MBOAT4: variants seen among roughly 807,000 people sequenced by gnomAD.
The protein encoded by MBOAT4 is membrane bound ghrelin O-acyltransferase MBOAT4, also known as membrane-bound ghrelin O-acyltransferase MBOAT4.
MBOAT4 carries 11 observed loss-of-function variants against 13.2 expected under a neutral mutation model. That is an observed-to-expected ratio of 0.84 (90% CI 0.53 to 1.38). The LOEUF (loss-of-function observed/expected upper bound fraction) is 1.38. Among genes scored for constraint, MBOAT4 ranks in the 40% most tolerant of loss-of-function variants. The pLI is 0.00. For missense variants in MBOAT4, 481 were observed against 527.2 expected, an observed-to-expected ratio of 0.91 and a Z score of 0.86; for synonymous variants, 202 against 210.3, an observed-to-expected ratio of 0.96 and a Z score of 0.34.
chr8:30,139,064 CT>C (rs1803214556), intron 1 of MBOAT4, among the ~76,000 whole-genome samples: 1 of 151,558 alleles, frequency 6.6e-6, no homozygotes, highest in Non-Finnish European at 1.5e-5. Flanking sequence ...CCCTGACCTC[CT>C]GGACTCAAGT....
At chr8:30,137,326 G>C in intron 2 of MBOAT4, 7 of 1,551,726 alleles carry the variant, frequency 4.5e-6, no homozygotes, top group Non-Finnish European at 5.2e-6. Flanking sequence ...TGAAGGAAGA[G>C]AAACACTGAC....
chr8:30,132,663 C>T lies in MBOAT4; in HGVS notation c.588G>A (p.Leu196=). 2.6e-6 allele frequency: 4 copies of T among 1,551,740 alleles called. No individual in the cohort carries two copies. Among genetic ancestry groups the T allele is most frequent in the Non-Finnish European group, 2.6e-6 (3 of 1,147,006 alleles). ...FQARVQGSSA[L]HPRHSFWALS... is the part of the protein sequence containing the mutation. ...GAGCCCAGAAAGAGTGTCTGGGATGCAAAGCACTGGACCCTTGAACACGAG... is the reference window on the plus strand; with the variant it reads ...GAGCCCAGAAAGAGTGTCTGGGATGTAAAGCACTGGACCCTTGAACACGAG... The change falls in exon 3 of 3, where the codon TTG becomes TTA. Residue 196 remains leucine (L), a synonymous_variant. Transcript: ENST00000320542.
At chr8:30,137,345 T>TGCCTCTCCCAGCAGCC (rs1490716772) in intron 2 of MBOAT4, 1 of 1,551,608 alleles carries the variant, frequency 6.4e-7, no homozygotes, top group African/African-American at 1.4e-5. Context: ...ACACAGCAGC[T>TGCCTCTCCCAGCAGCC]GCCTCTCCCA....
chr8:30,134,490 G>A (rs968368764), intron 2 of MBOAT4, among the ~76,000 whole-genome samples: 2 of 151,338 alleles, frequency 1.3e-5, no homozygotes, highest in Non-Finnish European at 1.5e-5. Flanking sequence ...AAACACATAC[G>A]ATGGCACACA....
chr8:30,143,347 C>CAAAAAAAAAAAAAAAAAA (rs776274086), intron 1 of MBOAT4, among the ~76,000 whole-genome samples: 5 of 143,590 alleles, frequency 3.5e-5, no homozygotes, highest in African/African-American at 1.4e-4. Context: ...GACTCCGTCT[C>CAAAAAAAAAAAAAAAAAA]AAAAAAAAAA....
At chr8:30,135,053 TG>T (rs1157695445) in intron 2 of MBOAT4, among the ~76,000 whole-genome samples, 4 of 69,234 alleles carry the variant, frequency 5.8e-5, no homozygotes, top group Non-Finnish European at 8.1e-5. Flanking sequence ...TTAATTTTTG[TG>T]GGTTTTTTTT....
chr8:30,143,333 G>C (rs13260062), intron 1 of MBOAT4, among the ~76,000 whole-genome samples: 132,895 of 147,308 alleles, frequency 0.9, 60,016 homozygotes, highest in Non-Finnish European at 0.96. Context: ...GGGCGACAGA[G>C]CGAGACTCCG....
At position 30,144,542 on chromosome 8, in the gene MBOAT4, A is replaced by G; in HGVS notation, c.60T>C (p.Phe20=). 1 of 1,551,670 alleles carries G rather than the reference A, an allele frequency of 6.4e-7. No homozygotes were observed. The highest frequency in any genetic ancestry group is 1.2e-5 in the South Asian group (1 of 84,068). ...GATAATTGAAGAGAAGTGCAAAGGG[A>G]AATGCAGCCCCCTGGTAAAACGATA... is the stretch of plus-strand genomic sequence containing the variant. The part of the protein sequence containing the change: ...HPISFYQGAA[F]PFALLFNYLC... The change falls in exon 1 of 3, where the codon TTT becomes TTC. Residue 20 remains phenylalanine (F), a synonymous_variant. Coordinates refer to ENST00000320542, the MANE Select transcript of MBOAT4 (RefSeq NM_001100916.2).
intron 1 of MBOAT4, among the ~76,000 whole-genome samples, chr8:30,139,201 C>T (rs1259122075): frequency 6.6e-6 from 1 of 151,920 alleles, no homozygotes; most frequent in Non-Finnish European, 1.5e-5. Flanking sequence ...GATCCTCCTC[C>T]CTCGGCCTCC....
chr8:30,136,795 C>T (rs1803156431), intron 2 of MBOAT4, among the ~76,000 whole-genome samples: 1 of 150,318 alleles, frequency 6.7e-6, no homozygotes, highest in Non-Finnish European at 1.5e-5. Context: ...GTGATGCGAT[C>T]TCCTGTCTCA....
intron 1 of MBOAT4, among the ~76,000 whole-genome samples, chr8:30,142,498 G>A (rs973575616): frequency 1.4e-4 from 21 of 152,144 alleles, no homozygotes; most frequent in Admixed American, 5.2e-4. Context: ...CGGGACTACA[G>A]GCATGTACCA....
chr8:30,134,053 C>A (rs190299582), intron 2 of MBOAT4, among the ~76,000 whole-genome samples: 2 of 152,300 alleles, frequency 1.3e-5, no homozygotes, highest in East Asian at 3.9e-4. Flanking sequence ...ACTGACATCA[C>A]CCTTGTCATT....
rs1239332127 is a variant in MBOAT4 at position 30,132,683 on chromosome 8, C to T, written c.568G>A (p.Val190Ile). The change falls in exon 3 of 3, where the codon GTT becomes ATT. Residue 190 changes from valine to isoleucine, a missense_variant. Physicochemically the swap from Val to Ile is conservative, Grantham distance 29. Transcript: ENST00000320542. ...GGATGCAAAGCACTGGACCCTTGAA[C>T]ACGAGCCTGAAATCGCTGGAAGGAG... ...LCSFQRFQARVQGSSALHPRH... is the reference protein window; with the variant it reads ...LCSFQRFQARIQGSSALHPRH... The T allele has an allele frequency of 1.3e-6, 2 of 1,551,776 alleles. No individual in the cohort carries two copies. The highest frequency in any genetic ancestry group is 2.4e-5 in the East Asian group (1 of 40,924).
intron 2 of MBOAT4, 69 bp from the exon 3 acceptor site, chr8:30,132,975 T>A: frequency 1.4e-6 from 2 of 1,426,406 alleles, no homozygotes; most frequent in Non-Finnish European, 1.9e-6. Flanking sequence ...TTCCAGTCTG[T>A]CATACATGAT....
intron 2 of MBOAT4, chr8:30,137,480 G>A (rs371783736): frequency 1.9e-6 from 3 of 1,551,650 alleles, no homozygotes; most frequent in Non-Finnish European, 2.6e-6. Flanking sequence ...TTCCTGCTTT[G>A]CCCTCCCTCT....
chr8:30,137,269 T>G, intron 2 of MBOAT4: 1 of 1,550,848 alleles, frequency 6.4e-7, no homozygotes, highest in South Asian at 1.2e-5. Context: ...TTCTGTTTTC[T>G]AGATGGGGCG....
At position 30,137,151 on chromosome 8, in the gene MBOAT4, G is replaced by A. The variant is rs79762909; in HGVS notation, c.344+1381C>T. 4.4e-3 allele frequency: 3,471 copies of A among 781,136 alleles called. 78 individuals are homozygous for A. In the African/African-American group the frequency reaches 0.051, roughly 11 times the overall value. The allele number at this position is 781,136 out of a possible 1,614,324, so 48.4% of individuals were successfully genotyped here. A position where few individuals can be genotyped will look rare whatever the true frequency, so the allele number is the denominator to read the frequency against. On this transcript the variant is annotated intron_variant, in intron 2 of 2. Transcript: ENST00000320542. ...CCTGAAGCCAATTGTGATCACCAGA[G>A]AGAGCCAGGAACATGAGATCTCCAG...
chr8:30,132,468 C>G lies in MBOAT4; in HGVS notation c.783G>C (p.Leu261=), dbSNP rs914049879. 5 of 1,551,582 alleles carry G rather than the reference C, an allele frequency of 3.2e-6. No individual in the cohort carries two copies. Among genetic ancestry groups the G allele is most frequent in the Non-Finnish European group, 4.4e-6 (5 of 1,147,008 alleles). Residue 261 remains leucine (L), a synonymous_variant, in exon 3 of 3, where the codon CTG becomes CTC. Coordinates refer to ENST00000320542, the MANE Select transcript of MBOAT4 (RefSeq NM_001100916.2). The part of the protein sequence containing the change: ...FKLTYYSHWI[L]DDSLLHAAGF... ...CCGCTGCGTGGAGGAGGGAGTCGTC[C>G]AGGATCCAGTGGGAGTAGTAGGTGA...
rs759043818 is a variant in MBOAT4, at chr8:30,131,967, C to T, written c.1284G>A (p.Ala428=). 6.0e-5 allele frequency: 93 copies of T among 1,549,086 alleles called. No homozygotes were observed. The highest frequency in any genetic ancestry group is 7.7e-5 in the Non-Finnish European group (88 of 1,145,060). ...MVYCILLLLL[A]KRKHKCN is the part of the protein sequence containing the mutation. ...GTCAGTTACATTTGTGCTTTCTCTTCGCCAATAGCAAAAGCAGAATACAGT... is the reference window on the plus strand; with the variant it reads ...GTCAGTTACATTTGTGCTTTCTCTTTGCCAATAGCAAAAGCAGAATACAGT... Residue 428 remains alanine (A), a synonymous_variant, in exon 3 of 3, where the codon GCG becomes GCA. Coordinates refer to ENST00000320542, the MANE Select transcript of MBOAT4 (RefSeq NM_001100916.2).
Sources: gnomAD v4.1 joint callset for allele counts (sites outside exome capture counted in the v4.1 genomes callset) on GRCh38, gnomAD v4.1.1 for gene constraint, MANE v1.5 for transcripts, NCBI Gene and HGNC (gene_info 2026-07-23, HGNC 2026-07-21) for gene names.